Variants in BLTP1 observed in about 807,000 individuals in gnomAD.
BLTP1 encodes bridge-like lipid transfer protein family member 1.
chr4:122,305,428 AT>A, the BLTP1 span: 14 of 956,816 alleles, frequency 1.5e-5, no homozygotes, highest in Middle Eastern at 5.4e-4. Context: ...CTTATTGGAG[AT>A]TTTTTTTGTT....
chr4:122,236,860 A>T, the BLTP1 span: 1 of 984,822 alleles, frequency 1.0e-6, no homozygotes, highest in Non-Finnish European at 1.2e-6. Flanking sequence ...TTTCTTGTCC[A>T]GGGAAGCTTG....
chr4:122,245,285 A>G, the BLTP1 span: 2 of 620,446 alleles, frequency 3.2e-6, no homozygotes, highest in Non-Finnish European at 5.5e-6. Context: ...TGGCTCTGTA[A>G]AAGATAGGAC....
the BLTP1 span, among the ~76,000 whole-genome samples, chr4:122,278,118 C>T: frequency 6.6e-6 from 1 of 152,002 alleles, no homozygotes; most frequent in Non-Finnish European, 1.5e-5. Context: ...TAAGTCGTTT[C>T]AGTTCATTCA....
At chr4:122,319,173 G>A in the BLTP1 span, among the ~76,000 whole-genome samples, 1 of 151,882 alleles carries the variant, frequency 6.6e-6, no homozygotes, top group Non-Finnish European at 1.5e-5. Flanking sequence ...CAAAGAACCA[G>A]CTTTGGTTTT....
At chr4:122,229,247 G>T in the BLTP1 span, 1 of 1,591,754 alleles carries the variant, frequency 6.3e-7, no homozygotes, top group Non-Finnish European at 8.5e-7. Flanking sequence ...AAAGGTAAGT[G>T]TTTTGCTTGG....
the BLTP1 span, chr4:122,336,262 A>G: frequency 6.2e-7 from 1 of 1,612,280 alleles, no homozygotes; most frequent in South Asian, 1.1e-5. Context: ...AGTCATTGCC[A>G]GAAGAAATGG....
chr4:122,256,794 A>G, the BLTP1 span: 17 of 502,634 alleles, frequency 3.4e-5, no homozygotes, highest in Non-Finnish European at 4.1e-5. Context: ...AGCATACTAC[A>G]TAAGTTATAG....
chr4:122,243,774 T>C, the BLTP1 span: 1 of 1,385,246 alleles, frequency 7.2e-7, no homozygotes, highest in Non-Finnish European at 9.4e-7. Flanking sequence ...AATGAATGCA[T>C]GTGTTCACTC....
chr4:122,295,085 C>T, the BLTP1 span, among the ~76,000 whole-genome samples: 1 of 152,076 alleles, frequency 6.6e-6, no homozygotes, highest in Admixed American at 6.6e-5. Flanking sequence ...AAGGAACAAA[C>T]AAAACCTCTG....
At chr4:122,174,143 C>T in the BLTP1 span, 2 of 953,270 alleles carry the variant, frequency 2.1e-6, no homozygotes, top group Non-Finnish European at 2.5e-6. Context: ...TTCTAACCTG[C>T]CTTATAATTG....
chr4:122,357,287 G>T, the BLTP1 span, among the ~76,000 whole-genome samples: 1 of 152,068 alleles, frequency 6.6e-6, no homozygotes, highest in Admixed American at 6.5e-5. Context: ...TGGTGGCTGG[G>T]GGCGGTGGCT....
At chr4:122,327,142 T>G in the BLTP1 span, among the ~76,000 whole-genome samples, 1 of 146,330 alleles carries the variant, frequency 6.8e-6, no homozygotes, top group Non-Finnish European at 1.5e-5. Context: ...TTTGACCTAT[T>G]TAAATGCAGT....
the BLTP1 span, among the ~76,000 whole-genome samples, chr4:122,285,784 A>G: frequency 1.3e-5 from 2 of 152,170 alleles, no homozygotes; most frequent in Non-Finnish European, 2.9e-5. Context: ...TGAAAGGAGC[A>G]TGTGTATGTA....
the BLTP1 span, chr4:122,238,340 G>A: frequency 1.2e-6 from 2 of 1,613,492 alleles, no homozygotes; most frequent in South Asian, 2.2e-5. Context: ...AAGAGATGAT[G>A]GCCAAGCAAG....
At chr4:122,174,722 T>C in the BLTP1 span, 26 of 1,190,936 alleles carry the variant, frequency 2.2e-5, no homozygotes, top group African/African-American at 3.8e-4. Flanking sequence ...AAATGTTTTA[T>C]GATATTTTAT....
At chr4:122,195,258 A>G in the BLTP1 span, among the ~76,000 whole-genome samples, 1 of 152,210 alleles carries the variant, frequency 6.6e-6, no homozygotes, top group African/African-American at 2.4e-5. Context: ...TTTTGGTGTC[A>G]GTTCTACTAC....
At chr4:122,262,797 A>G in the BLTP1 span, 1 of 1,612,866 alleles carries the variant, frequency 6.2e-7, no homozygotes, top group South Asian at 1.1e-5. Context: ...GAGCTATACC[A>G]GTGGAGACAC....
chr4:122,353,943 G>A, the BLTP1 span: 4 of 1,613,644 alleles, frequency 2.5e-6, no homozygotes, highest in South Asian at 1.1e-5. This position sits in a 1 kb window ranked among gnomAD's most constrained non-coding sequence, Gnocchi z 4.3. Context: ...ACAAGGCGTC[G>A]CCATGAAAAT....
the BLTP1 span, chr4:122,249,676 A>G: frequency 8.1e-6 from 13 of 1,613,448 alleles, no homozygotes; most frequent in Admixed American, 1.3e-4. Context: ...AAATTTAACC[A>G]TAAAAGGCAA....
Sources: gnomAD v4.1 joint callset for allele counts (sites outside exome capture counted in the v4.1 genomes callset) on GRCh38, gnomAD v4.1.1 for gene constraint, Gnocchi (gnomAD v3.1) non-coding constraint, MANE v1.5 for transcripts, NCBI Gene and HGNC (gene_info 2026-07-23, HGNC 2026-07-21) for gene names.